CDKAL1: variants seen among roughly 807,000 people sequenced by gnomAD.
CDKAL1 encodes the protein threonylcarbamoyladenosine tRNA methylthiotransferase.
In CDKAL1, 32 loss-of-function variants were observed where a neutral mutation model predicts 68.2. The observed-to-expected ratio is 0.47, with a 90% CI of 0.35 to 0.63. CDKAL1 has a LOEUF of 0.63. Among genes scored for constraint, CDKAL1 ranks in the 30% least tolerant of loss-of-function variants. The pLI, the probability that CDKAL1 is intolerant of heterozygous loss-of-function variation, is 0.00. For missense variants in CDKAL1, 606 were observed against 696.7 expected (o/e 0.87, Z 1.47); for synonymous variants, 234 against 244.3 (o/e 0.96, Z 0.39).
chr6:21,050,400 G>A (rs1770478943), intron 11 of CDKAL1, among the ~76,000 whole-genome samples: 1 of 152,164 alleles, frequency 6.6e-6, no homozygotes, highest in South Asian at 2.1e-4. Context: ...GGCAGTTCCC[G>A]AGCTCTTGTA....
chr6:20,999,104 C>T (rs1340852118), intron 10 of CDKAL1, among the ~76,000 whole-genome samples: 2 of 152,070 alleles, frequency 1.3e-5, no homozygotes, highest in Non-Finnish European at 2.9e-5. Flanking sequence ...TGTGAAAGTG[C>T]AATACTTTGA....
chr6:20,835,630 C>G (rs1013367269), intron 8 of CDKAL1, among the ~76,000 whole-genome samples: 2 of 152,112 alleles, frequency 1.3e-5, no homozygotes, highest in African/African-American at 4.8e-5. Context: ...TTGCTGCAAC[C>G]TCTGCCTCCT....
intron 13 of CDKAL1, among the ~76,000 whole-genome samples, chr6:21,152,315 T>C (rs1776448300): frequency 6.6e-6 from 1 of 152,210 alleles, no homozygotes; most frequent in Admixed American, 6.5e-5. Context: ...CACATGGGCA[T>C]AGCAGTAGTC....
chr6:20,882,294 A>G (rs1336844137), intron 9 of CDKAL1, among the ~76,000 whole-genome samples: 1 of 152,140 alleles, frequency 6.6e-6, no homozygotes, highest in Non-Finnish European at 1.5e-5. Flanking sequence ...CTGGTTTGCT[A>G]ACTCCCTTTT....
At chr6:20,715,003 T>C (rs1240865599) in intron 5 of CDKAL1, among the ~76,000 whole-genome samples, 6 of 152,238 alleles carry the variant, frequency 3.9e-5, no homozygotes, top group Non-Finnish European at 8.8e-5. Flanking sequence ...AATATTATTA[T>C]AGTGGAACAA....
chr6:20,726,604 T>C (rs965887928), intron 5 of CDKAL1, among the ~76,000 whole-genome samples: 2 of 152,204 alleles, frequency 1.3e-5, no homozygotes, highest in Admixed American at 6.5e-5. Context: ...CCAGGATGGC[T>C]AAACAGTAGA....
At chr6:20,749,001 A>G in intron 6 of CDKAL1, among the ~76,000 whole-genome samples, 1 of 137,248 alleles carries the variant, frequency 7.3e-6, no homozygotes, top group Non-Finnish European at 1.6e-5. Context: ...GTGTGTGTAT[A>G]TATATATATA....
chr6:20,995,273 G>T (rs905305173), intron 10 of CDKAL1, among the ~76,000 whole-genome samples: 1 of 152,058 alleles, frequency 6.6e-6, no homozygotes, highest in Non-Finnish European at 1.5e-5. Context: ...TTGATATTTT[G>T]TTCTCCTCCC....
chr6:20,828,306 G>T (rs2150457103), intron 8 of CDKAL1, among the ~76,000 whole-genome samples: 1 of 151,968 alleles, frequency 6.6e-6, no homozygotes, highest in East Asian at 1.9e-4. Context: ...TCGGCTCATT[G>T]CAACCTCCAC....
intron 13 of CDKAL1, among the ~76,000 whole-genome samples, chr6:21,187,407 T>A (rs1424464529): frequency 6.6e-6 from 1 of 152,230 alleles, no homozygotes; most frequent in Non-Finnish European, 1.5e-5. Context: ...TTCATGATTT[T>A]AAAAATTCTC....
At chr6:20,658,004 T>TG (rs35136485) in intron 5 of CDKAL1, among the ~76,000 whole-genome samples, 16 of 151,880 alleles carry the variant, frequency 1.1e-4, no homozygotes, top group South Asian at 6.2e-4. Context: ...GCCTTTAACT[T>TG]GGGGGGGTTC....
intron 8 of CDKAL1, among the ~76,000 whole-genome samples, chr6:20,802,367 A>C (rs1050978931): frequency 6.6e-6 from 1 of 150,490 alleles, no homozygotes; most frequent in African/African-American, 2.4e-5. Context: ...ATTTTTCTTT[A>C]GCAAATCATT....
intron 3 of CDKAL1, among the ~76,000 whole-genome samples, chr6:20,547,829 G>A (rs949017147): frequency 6.6e-6 from 1 of 152,116 alleles, no homozygotes; most frequent in African/African-American, 2.4e-5. Context: ...GCTTTAGGAT[G>A]ACGGTTTTTA....
chr6:21,004,636 G>C (rs916068854), intron 11 of CDKAL1, among the ~76,000 whole-genome samples: 1 of 152,070 alleles, frequency 6.6e-6, no homozygotes, highest in Admixed American at 6.5e-5. Flanking sequence ...AAACTATATA[G>C]AACAAAGCAA....
intron 9 of CDKAL1, among the ~76,000 whole-genome samples, chr6:20,954,417 G>A (rs1184995029): frequency 1.3e-5 from 2 of 152,246 alleles, no homozygotes; most frequent in East Asian, 3.9e-4. Context: ...TTTGGTTCAG[G>A]CTAAAGTCTT....
chr6:21,138,288 T>A (rs1319317491), intron 13 of CDKAL1, among the ~76,000 whole-genome samples: 1 of 152,086 alleles, frequency 6.6e-6, no homozygotes, highest in Non-Finnish European at 1.5e-5. Flanking sequence ...AACTATCATT[T>A]TATAATTTCA....
At chr6:20,991,395 AC>A (rs1766788293) in intron 10 of CDKAL1, among the ~76,000 whole-genome samples, 1 of 152,044 alleles carries the variant, frequency 6.6e-6, no homozygotes, top group Non-Finnish European at 1.5e-5. Context: ...TGAACTGTAT[AC>A]CTAAAAATGG....
At chr6:20,722,295 A>G (rs1301200240) in intron 5 of CDKAL1, 1 of 159,002 alleles carries the variant, frequency 6.3e-6, no homozygotes, top group Non-Finnish European at 1.4e-5. Context: ...CCTTCCCTCA[A>G]GATTTTATTG....
At chr6:20,656,818 G>A (rs756762339) in intron 5 of CDKAL1, among the ~76,000 whole-genome samples, 2 of 152,122 alleles carry the variant, frequency 1.3e-5, no homozygotes, top group Non-Finnish European at 2.9e-5. Flanking sequence ...GCTAGTGGTA[G>A]CAAGCACAGG....
Sources: gnomAD v4.1 joint callset for allele counts (sites outside exome capture counted in the v4.1 genomes callset) on GRCh38, gnomAD v4.1.1 for gene constraint, MANE v1.5 for transcripts, NCBI Gene and HGNC (gene_info 2026-07-23, HGNC 2026-07-21) for gene names.